The following DPY19L1 variants were observed in gnomAD, a reference collection of about 807,000 sequenced individuals.
DPY19L1 encodes the protein protein C-mannosyl-transferase DPY19L1.
A neutral mutation model predicts 96.9 loss-of-function variants in DPY19L1; 35 were observed. The observed-to-expected ratio is 0.36, with a 90% confidence interval of 0.28 to 0.48. The LOEUF (loss-of-function observed/expected upper bound fraction) is 0.48, where lower values mean the gene tolerates loss of function less well. DPY19L1 is among the 20% of genes least tolerant of loss of function. The pLI, the probability that DPY19L1 is intolerant of heterozygous loss-of-function variation, is 0.99. For missense variants in DPY19L1, 521 were observed against 777.9 expected, an observed-to-expected ratio of 0.67 and a Z score of 3.93; for synonymous variants, 205 against 252.6, an observed-to-expected ratio of 0.81 and a Z score of 1.79.
At chr7:34,998,810 G>T (rs1053326102) in intron 6 of DPY19L1, among the ~76,000 whole-genome samples, 2 of 152,212 alleles carry the variant, frequency 1.3e-5, no homozygotes, top group Admixed American at 1.3e-4. Flanking sequence ...GGGGATGGAA[G>T]CTTCCAATGT....
At chr7:34,982,637 A>G (rs549686475) in intron 7 of DPY19L1, among the ~76,000 whole-genome samples, 68 of 152,376 alleles carry the variant, frequency 4.5e-4, no homozygotes, top group Admixed American at 1.6e-3. Context: ...GAACAACTGC[A>G]TAATTTAGGT....
At chr7:34,987,289 T>C (rs1387052604) in intron 7 of DPY19L1, among the ~76,000 whole-genome samples, 4 of 152,086 alleles carry the variant, frequency 2.6e-5, no homozygotes, top group African/African-American at 4.8e-5. Context: ...GTTTTTATTA[T>C]AGAATGTATA....
intron 1 of DPY19L1, among the ~76,000 whole-genome samples, chr7:35,026,870 A>C (rs329257): frequency 6.6e-6 from 1 of 152,072 alleles, no homozygotes; most frequent in Non-Finnish European, 1.5e-5. Context: ...CAAGTTATTC[A>C]GCCTCTCAGA....
At chr7:34,950,302 A>G (rs900219035) in intron 13 of DPY19L1, among the ~76,000 whole-genome samples, 10 of 152,198 alleles carry the variant, frequency 6.6e-5, no homozygotes, top group African/African-American at 2.4e-4. Context: ...AGAAATACGA[A>G]TTCTGAAAAG....
At chr7:35,011,229 G>T in intron 5 of DPY19L1, 101 bp downstream of exon 5, 1 of 1,339,754 alleles carries the variant, frequency 7.5e-7, no homozygotes, top group Non-Finnish European at 1.0e-6. Flanking sequence ...AATAAAATGG[G>T]TGTTGTTTAT....
At chr7:35,005,444 G>T (rs1360315725) in intron 6 of DPY19L1, among the ~76,000 whole-genome samples, 1 of 151,452 alleles carries the variant, frequency 6.6e-6, no homozygotes, top group Admixed American at 6.6e-5. Context: ...CTGCTGGGGA[G>T]AGGAGGAAGG....
chr7:34,959,337 C>T (rs1784443280), intron 10 of DPY19L1, among the ~76,000 whole-genome samples: 1 of 152,082 alleles, frequency 6.6e-6, no homozygotes, highest in Non-Finnish European at 1.5e-5. Context: ...CTAGAAATAC[C>T]ATTTGACCCA....
Position 34,929,931 on chromosome 7 carries a change from C to T in DPY19L1, c.*1642G>A, listed in dbSNP as rs931592633. 6.6e-6 allele frequency: 1 copy of T among 152,268 alleles called. No individual in the cohort carries two copies. The highest frequency in any genetic ancestry group is 1.9e-4 in the East Asian group (1 of 5,208). The allele number at this position is 152,268 out of a possible 1,614,324, so 9.4% of individuals were successfully genotyped here. A position where few individuals can be genotyped will look rare whatever the true frequency, so the allele number is the denominator to read the frequency against. On this transcript the variant is annotated 3_prime_UTR_variant, in exon 22 of 22. Transcript: ENST00000638088. ...GAAGGAGCATCCCTGGGAGCTGCGGCTCTAGGCGCTGGCACAAGACTGGGG... is the reference window on the plus strand; with the variant it reads ...GAAGGAGCATCCCTGGGAGCTGCGGTTCTAGGCGCTGGCACAAGACTGGGG...
At chr7:34,968,873 A>G (rs1308085714) in intron 9 of DPY19L1, among the ~76,000 whole-genome samples, 1 of 151,142 alleles carries the variant, frequency 6.6e-6, no homozygotes, top group African/African-American at 2.4e-5. Flanking sequence ...ATGAATATGT[A>G]ATTTACTCCC....
chr7:35,037,486 AGCGG>A (rs1260079691), upstream of DPY19L1: 20 of 303,138 alleles, frequency 6.6e-5, no homozygotes, highest in Non-Finnish European at 7.9e-5. Context: ...CTCACTCTCC[AGCGG>A]GCGGGCGGGC....
rs566598275 is a variant in DPY19L1 at position 34,943,363 on chromosome 7, C to A, written c.1545-724G>T. 2.0e-4 allele frequency among the ~76,000 whole-genome samples: 31 copies of A among 152,286 alleles called. No homozygotes were observed. The South Asian group carries it at 6.0e-3, about 30-fold the overall frequency. The stretch of plus-strand genomic sequence containing the variant: ...ACAATGTTAATATGCTTAGTACATT[C>A]CATTAACTCTAATCCTACAACCATT... On this transcript the variant is annotated intron_variant, in intron 16 of 21. Coordinates refer to ENST00000638088, the MANE Select transcript of DPY19L1 (RefSeq NM_001366673.1).
In DPY19L1 at chr7:34,940,306, T is replaced by C; in HGVS notation, c.1711A>G (p.Lys571Glu). 1.9e-6 allele frequency: 3 copies of C among 1,608,302 alleles called. No individual in the cohort carries two copies. Among genetic ancestry groups the C allele is most frequent in the Non-Finnish European group, 2.5e-6 (3 of 1,178,834 alleles). The change falls in exon 19 of 22, where the codon AAA becomes GAA. Residue 571 changes from lysine (K) to glutamate (E), a missense_variant. Coordinates refer to ENST00000638088, the MANE Select transcript of DPY19L1 (RefSeq NM_001366673.1). ...SRQLFGWLFC[K>E]VHPGAIVFAI... ...AACACAATAGCACCAGGATGTACTT[T>C]GCAAAAGAGCCATCCAAATAGCTGA...
intron 18 of DPY19L1, among the ~76,000 whole-genome samples, chr7:34,941,068 T>C (rs935710774): frequency 2.0e-5 from 3 of 152,156 alleles, no homozygotes; most frequent in South Asian, 2.1e-4. Flanking sequence ...CAGAGCTAGA[T>C]TTCAAGTTTC....
intron 6 of DPY19L1, 100 bp from the exon 7 acceptor site, chr7:34,990,041 A>G: frequency 1.2e-6 from 1 of 860,824 alleles, no homozygotes; most frequent in Non-Finnish European, 1.8e-6. Context: ...ATTATATAAG[A>G]TTTTATAGTC....
chr7:34,998,568 G>A (rs1009172758), intron 6 of DPY19L1, among the ~76,000 whole-genome samples: 9 of 152,264 alleles, frequency 5.9e-5, no homozygotes, highest in Non-Finnish European at 1.0e-4. Flanking sequence ...CTGCACTGAC[G>A]TGAAGAATCA....
At chr7:35,022,364 C>T (rs1246998892) in intron 1 of DPY19L1, among the ~76,000 whole-genome samples, 1 of 152,204 alleles carries the variant, frequency 6.6e-6, no homozygotes, top group East Asian at 1.9e-4. Context: ...ATCCTTATGG[C>T]TAAGAATTTT....
intron 1 of DPY19L1, among the ~76,000 whole-genome samples, chr7:35,035,916 A>G (rs139996444): frequency 2.8e-5 from 4 of 143,220 alleles, no homozygotes; most frequent in South Asian, 2.3e-4. Flanking sequence ...ATAAAAAAAA[A>G]GGGGGCGGGG....
rs747973334 is a variant in DPY19L1 at position 34,939,327 on chromosome 7, G to C, written c.1913C>G (p.Ser638Cys). The change falls in exon 20 of 22, where the codon TCT becomes TGT. Residue 638 changes from serine (S) to cysteine (C), a missense_variant. Ser to Cys is a moderately radical substitution (Grantham distance 112, BLOSUM62 -1). Transcript: ENST00000638088. ...ATGATTCACAATGGGCCGAAGTGCAGAGAGCTTAACACTTGCCATCGTGGG... is the reference window on the plus strand; with the variant it reads ...ATGATTCACAATGGGCCGAAGTGCACAGAGCTTAACACTTGCCATCGTGGG... ...AMPTMASVKL[S>C]ALRPIVNHPH... The C allele has an allele frequency of 1.9e-6, 3 of 1,614,020 alleles. No individual in the cohort carries two copies. The South Asian group carries it at 3.3e-5, about 18-fold the overall frequency.
intron 19 of DPY19L1, 39 bp from the exon 20 acceptor site, chr7:34,939,414 G>C: frequency 6.5e-7 from 1 of 1,544,752 alleles, no homozygotes; most frequent in Non-Finnish European, 8.9e-7. Context: ...GACACTCAGT[G>C]AAGGCGAGAA....
Sources: gnomAD v4.1 joint callset for allele counts (sites outside exome capture counted in the v4.1 genomes callset) on GRCh38, gnomAD v4.1.1 for gene constraint, MANE v1.5 for transcripts, NCBI Gene and HGNC (gene_info 2026-07-23, HGNC 2026-07-21) for gene names.